The following ZNF469 variants were observed in gnomAD, a reference collection of about 807,000 sequenced individuals.
The protein encoded by ZNF469 is zinc finger protein 469.
A neutral mutation model predicts 1.0 loss-of-function variants in ZNF469; 1 was observed. That is an observed-to-expected ratio of 1.00 (90% CI 0.35 to 4.73). ZNF469 has a LOEUF of 4.73. ZNF469 is among the 30% of genes most tolerant of loss of function. ZNF469 has a pLI of 0.16. For synonymous variants in ZNF469, 2,703 were observed against 2,363.4 expected (o/e 1.14, Z -4.17); for missense variants, 6,100 against 5,356.3 (o/e 1.14, Z -4.33).
At chr16:88,248,186 G>T in the ZNF469 span, among the ~76,000 whole-genome samples, 4 of 152,116 alleles carry the variant, frequency 2.6e-5, no homozygotes, top group African/African-American at 9.7e-5. Context: ...CATTTTTAAG[G>T]GAACAGAGAA....
the ZNF469 span, among the ~76,000 whole-genome samples, chr16:88,241,074 AG>A: frequency 2.6e-5 from 4 of 152,166 alleles, no homozygotes; most frequent in Non-Finnish European, 1.5e-5. The surrounding 1 kb of genome is among the most constrained non-coding windows in gnomAD (Gnocchi z 4.8). Flanking sequence ...ATGGGTTAAA[AG>A]TGCTATTGTT....
intron 1 of ZNF469, among the ~76,000 whole-genome samples, chr16:88,418,484 G>A (rs952063871): frequency 6.6e-6 from 1 of 152,150 alleles, no homozygotes; most frequent in African/African-American, 2.4e-5. Flanking sequence ...CTCTTGCCAT[G>A]TGCCAGCTCT....
chr16:88,435,796 G>A lies in ZNF469; in HGVS notation c.8326G>A (p.Glu2776Lys), dbSNP rs974290242. ...VCKESGSEPAEDSSRAHSRSE... is the reference protein window; with the variant it reads ...VCKESGSEPAKDSSRAHSRSE... Reference sequence around the variant, plus strand: ...CAAAGAGTCTGGGAGCGAGCCTGCGGAGGACAGCAGCAGGGCCCACAGCCG... The same window carrying A: ...CAAAGAGTCTGGGAGCGAGCCTGCGAAGGACAGCAGCAGGGCCCACAGCCG... The change falls in exon 3 of 3, where the codon GAG becomes AAG. Residue 2776 changes from glutamate to lysine, a missense_variant. Glu to Lys is a moderately conservative substitution (Grantham distance 56, BLOSUM62 1). Transcript: ENST00000565624. 1.3e-6 allele frequency: 2 copies of A among 1,550,488 alleles called. No homozygotes were observed. Among genetic ancestry groups the A allele is most frequent in the Non-Finnish European group, 1.7e-6 (2 of 1,146,950 alleles).
At position 88,433,358 on chromosome 16, in the gene ZNF469, A is replaced by C. The variant is rs1248326391; in HGVS notation, c.5888A>C (p.Gln1963Pro). 3.9e-6 allele frequency: 6 copies of C among 1,550,130 alleles called. No individual in the cohort carries two copies. The South Asian group carries it at 4.8e-5, about 12-fold the overall frequency. Residue 1963 changes from glutamine to proline, a missense_variant, in exon 3 of 3, where the codon CAG (glutamine) becomes CCG (proline). Coordinates refer to ENST00000565624, the MANE Select transcript of ZNF469 (RefSeq NM_001367624.2). ...GCCCAGGGCTCCCCAGGGGGTGTGC[A>C]GGTGACAACTCTCCCTGCAGTGGCC... ...GPAQGSPGGV[Q>P]VTTLPAVAGH...
chr16:88,267,037 C>T, the ZNF469 span, among the ~76,000 whole-genome samples: 2 of 152,200 alleles, frequency 1.3e-5, no homozygotes, highest in Admixed American at 6.5e-5. Context: ...CCAGGCGCTC[C>T]GGGTGCCCGG....
the ZNF469 span, among the ~76,000 whole-genome samples, chr16:88,162,643 G>T: frequency 6.6e-6 from 1 of 151,230 alleles, no homozygotes. Context: ...TTTCAAAAAA[G>T]CATTTATCTT....
the ZNF469 span, among the ~76,000 whole-genome samples, chr16:88,113,020 C>T: frequency 1.3e-5 from 2 of 152,050 alleles, no homozygotes; most frequent in South Asian, 4.2e-4. Flanking sequence ...CCTCGTGATC[C>T]ACCCGCCTTG....
intron 1 of ZNF469, among the ~76,000 whole-genome samples, chr16:88,418,866 A>G (rs950926044): frequency 6.6e-6 from 1 of 152,252 alleles, no homozygotes; most frequent in African/African-American, 2.4e-5. Flanking sequence ...AAAGGAAAGG[A>G]GAATGTTTGT....
At chr16:88,120,023 A>G in the ZNF469 span, among the ~76,000 whole-genome samples, 2 of 152,004 alleles carry the variant, frequency 1.3e-5, no homozygotes, top group African/African-American at 4.8e-5. Context: ...TGGGATGGGG[A>G]ACCACACACA....
chr16:88,418,548 C>T (rs552423605), intron 1 of ZNF469, among the ~76,000 whole-genome samples: 2 of 151,852 alleles, frequency 1.3e-5, no homozygotes, highest in African/African-American at 2.4e-5. Context: ...TCCCCACCGC[C>T]CCCCCGGCCA....
chr16:88,271,190 C>A, the ZNF469 span, among the ~76,000 whole-genome samples: 331 of 150,388 alleles, frequency 2.2e-3, 1 homozygote, highest in African/African-American at 7.0e-3. Context: ...CCTGGCTTCC[C>A]GGAGAGCGTG....
At chr16:88,347,155 A>G in the ZNF469 span, among the ~76,000 whole-genome samples, 8 of 151,928 alleles carry the variant, frequency 5.3e-5, no homozygotes, top group African/African-American at 1.7e-4. Context: ...TGCCGGCCCT[A>G]CCTCCTTCCC....
chr16:88,260,079 G>A, the ZNF469 span, among the ~76,000 whole-genome samples: 4 of 151,732 alleles, frequency 2.6e-5, no homozygotes, highest in African/African-American at 9.7e-5. This position sits in a 1 kb window ranked among gnomAD's most constrained non-coding sequence, Gnocchi z 4.1. Context: ...CCGGGTTCAC[G>A]TGATTTTCCT....
chr16:88,202,412 C>A, the ZNF469 span, among the ~76,000 whole-genome samples: 64,695 of 151,956 alleles, frequency 0.43, 15,277 homozygotes, highest in South Asian at 0.55. Context: ...AAGTCCTCTC[C>A]TTGCCATTCC....
chr16:88,158,379 C>T, the ZNF469 span, among the ~76,000 whole-genome samples: 1 of 152,020 alleles, frequency 6.6e-6, no homozygotes, highest in Admixed American at 6.5e-5. Flanking sequence ...TGGGTTGCAG[C>T]CCCACCCACC....
chr16:88,292,807 A>AG, the ZNF469 span, among the ~76,000 whole-genome samples: 1 of 151,406 alleles, frequency 6.6e-6, no homozygotes, highest in African/African-American at 2.4e-5. Flanking sequence ...TCAAAAAAAA[A>AG]AAAAAAAAAA....
chr16:88,192,745 G>GATGGTGT, the ZNF469 span, among the ~76,000 whole-genome samples: 2 of 33,276 alleles, frequency 6.0e-5, no homozygotes, highest in Non-Finnish European at 1.4e-4. Context: ...AATGGTGGTG[G>GATGGTGT]TGACAGTGGT....
the ZNF469 span, among the ~76,000 whole-genome samples, chr16:88,342,176 G>A: frequency 2.0e-5 from 3 of 152,150 alleles, no homozygotes; most frequent in East Asian, 1.9e-4. Flanking sequence ...CCAGCACCTC[G>A]CAGGTCTGGG....
the ZNF469 span, among the ~76,000 whole-genome samples, chr16:88,227,269 C>T: frequency 2.0e-5 from 3 of 152,152 alleles, no homozygotes; most frequent in South Asian, 2.1e-4. Context: ...TCCCCAGGGC[C>T]GGGAACAGTG....
Sources: allele counts gnomAD v4.1 joint callset (sites outside exome capture counted in the v4.1 genomes callset), GRCh38; gene constraint gnomAD v4.1.1; non-coding constraint Gnocchi (gnomAD v3.1); transcripts MANE v1.5; gene names NCBI Gene and HGNC (gene_info 2026-07-23, HGNC 2026-07-21).